KIF13A: variants seen among roughly 807,000 people sequenced by gnomAD.
The protein encoded by KIF13A is kinesin-like protein KIF13A.
Under a neutral mutation model 212.2 loss-of-function variants are expected in KIF13A, and 79 were observed. That is an observed-to-expected ratio of 0.37 (90% confidence interval 0.31 to 0.45). The LOEUF (loss-of-function observed/expected upper bound fraction) is 0.45, where lower values mean the gene tolerates loss of function less well. Among genes scored for constraint, KIF13A ranks in the 20% least tolerant of loss-of-function variants. KIF13A has a pLI of 1.00. For synonymous variants in KIF13A, 789 were observed against 808.6 expected (o/e 0.98, Z 0.41); for missense variants, 1,901 against 2,209.0 (o/e 0.86, Z 2.79).
intron 2 of KIF13A, among the ~76,000 whole-genome samples, chr6:17,907,225 T>C (rs1452828803): frequency 6.6e-6 from 1 of 152,206 alleles, no homozygotes; most frequent in Non-Finnish European, 1.5e-5. Context: ...GAACAAGGTA[T>C]ACAGATTGCA....
At chr6:17,810,791 G>A (rs1326611133) in intron 17 of KIF13A, among the ~76,000 whole-genome samples, 1 of 152,138 alleles carries the variant, frequency 6.6e-6, no homozygotes, top group African/African-American at 2.4e-5. Context: ...GTTCATAATA[G>A]GGTTTGTGCT....
chr6:17,766,219 G>GATTTATTTATTTATTTATTTATTT (rs57491415), intron 38 of KIF13A, among the ~76,000 whole-genome samples: 45 of 144,716 alleles, frequency 3.1e-4, no homozygotes, highest in Middle Eastern at 3.5e-3. Context: ...TTATTTTTAA[G>GATTTATTTATTTATTTATTTATTT]ATTTATTTAT....
At chr6:17,867,277 A>C (rs1769496383) in intron 4 of KIF13A, among the ~76,000 whole-genome samples, 2 of 152,206 alleles carry the variant, frequency 1.3e-5, no homozygotes, top group Non-Finnish European at 2.9e-5. Context: ...TGACAAATTG[A>C]GTATGAGTGA....
chr6:17,810,903 G>C (rs1763376530), intron 17 of KIF13A, among the ~76,000 whole-genome samples: 2 of 152,182 alleles, frequency 1.3e-5, no homozygotes, highest in Admixed American at 1.3e-4. Context: ...AGCTTCGCTT[G>C]CTGGCCCACT....
At position 17,850,377 on chromosome 6, in the gene KIF13A, G is replaced by A; in HGVS notation, c.663C>T (p.Ser221=). ...ATNMNEESSR[S]HAVFNIIITQ... The stretch of plus-strand genomic sequence containing the variant: ...TGATTATGATGTTGAACACAGCATG[G>A]GAGCGGCTGCTTTCTTCGTTCATGT... Residue 221 remains serine (S), a synonymous_variant, in exon 8 of 39, where the codon TCC becomes TCT. Transcript: ENST00000259711. The surrounding 1 kb of genome is among the most constrained non-coding windows in gnomAD (Gnocchi z 6.2). The A allele has an allele frequency of 6.2e-7, 1 of 1,613,882 alleles. No individual in the cohort carries two copies. Among genetic ancestry groups the A allele is most frequent in the Non-Finnish European group, 8.5e-7 (1 of 1,179,854 alleles).
chr6:17,830,449 G>A (rs1367811720), intron 13 of KIF13A, among the ~76,000 whole-genome samples: 1 of 144,312 alleles, frequency 6.9e-6, no homozygotes, highest in Non-Finnish European at 1.6e-5. Flanking sequence ...GTTCTTTGGA[G>A]TCCTTGATAC....
chr6:17,763,896 C>T lies in KIF13A; in HGVS notation c.*214G>A. ...ATCTGAACACTTCATTCAACACCAA[C>T]CCATGTGCCAGGTAAAAAAATCCAC... On this transcript the variant is annotated 3_prime_UTR_variant, in exon 39 of 39. Coordinates refer to ENST00000259711, the MANE Select transcript of KIF13A (RefSeq NM_022113.6). 7.1e-7 allele frequency: 1 copy of T among 1,414,182 alleles called. No individual in the cohort carries two copies. The highest frequency in any genetic ancestry group is 1.6e-5 in the South Asian group (1 of 64,342). 87.6% of individuals were successfully genotyped at this position (1,414,182 alleles called of 1,614,324 possible).
rs957690868 is a variant in KIF13A, at chr6:17,842,009, G to A, written c.831-4426C>T. On this transcript the variant is annotated intron_variant, in intron 9 of 38. Coordinates refer to ENST00000259711, the MANE Select transcript of KIF13A (RefSeq NM_022113.6). ...TGTGTATATACACATACGTGTGTGT[G>A]TGTGTGTGTGTGTGTGTGTGTGTGT... Among the ~76,000 whole-genome samples the A allele has an allele frequency of 2.3e-3, 342 of 148,328 alleles. 2 individuals are homozygous for A. The highest frequency in any genetic ancestry group is 6.3e-3 in the African/African-American group (251 of 39,942).
intron 16 of KIF13A, among the ~76,000 whole-genome samples, chr6:17,823,577 C>T (rs55779968): frequency 0.27 from 40,395 of 151,784 alleles, 5,507 homozygotes; most frequent in Admixed American, 0.35. Context: ...AAGTGATTCT[C>T]GTGCTCCGGC....
chr6:17,941,509 A>G (rs2150555416), intron 2 of KIF13A, among the ~76,000 whole-genome samples: 1 of 152,288 alleles, frequency 6.6e-6, no homozygotes, highest in African/African-American at 2.4e-5. Flanking sequence ...TGTCATTACA[A>G]TGGGACCTAA....
chr6:17,943,422 AT>A (rs1777117962), intron 2 of KIF13A, among the ~76,000 whole-genome samples: 1 of 91,466 alleles, frequency 1.1e-5, no homozygotes, highest in Non-Finnish European at 2.3e-5. Context: ...TTTTTTTTGT[AT>A]TTTTAGTAGA....
rs1378335510 is a variant in KIF13A, at chr6:17,897,388, A to C, written c.159+780T>G. ...TGGCCAGGGGCTGGTCAAATTTCTC[A>C]CTCCTTTTGGTGCTAAGTGTCCCTC... On this transcript the variant is annotated intron_variant, in intron 3 of 38. Coordinates refer to ENST00000259711, the MANE Select transcript of KIF13A (RefSeq NM_022113.6). This position sits in a 1 kb window ranked among gnomAD's most constrained non-coding sequence, Gnocchi z 4.8. Among the ~76,000 whole-genome samples the C allele has an allele frequency of 1.3e-5, 2 of 151,920 alleles. No homozygotes were observed. Among genetic ancestry groups the C allele is most frequent in the Non-Finnish European group, 2.9e-5 (2 of 67,962 alleles).
chr6:17,950,523 A>G, intron 2 of KIF13A: 1 of 985,360 alleles, frequency 1.0e-6, no homozygotes, highest in Non-Finnish European at 1.2e-6. Context: ...GAACATGTAC[A>G]CAAACACACA....
rs1759245805 is a variant in KIF13A, at chr6:17,768,796, T to C, written c.4581+2318A>G. 6.6e-6 allele frequency among the ~76,000 whole-genome samples: 1 copy of C among 152,222 alleles called. No individual in the cohort carries two copies. Among genetic ancestry groups the C allele is most frequent in the Non-Finnish European group, 1.5e-5 (1 of 68,042 alleles). On this transcript the variant is annotated intron_variant, in intron 38 of 38. Coordinates refer to ENST00000259711, the MANE Select transcript of KIF13A (RefSeq NM_022113.6). This position sits in a 1 kb window ranked among gnomAD's most constrained non-coding sequence, Gnocchi z 5.4. ...CCTAACGGAAAGGTCGTGTGGATAC[T>C]GGGAAAAATCACTGACTTTCTTTCT...
chr6:17,767,059 G>A lies in KIF13A; in HGVS notation c.4582-2113C>T, dbSNP rs114616635. ...CTGAAATTGGCAAAACAAAATTTTT[G>A]GCAACACTAATCTCTTCTCATCTTT... On this transcript the variant is annotated intron_variant, in intron 38 of 38. Transcript: ENST00000259711. 3.8e-3 allele frequency among the ~76,000 whole-genome samples: 578 copies of A among 152,160 alleles called. 2 individuals are homozygous for A. The highest frequency in any genetic ancestry group is 0.014 in the Middle Eastern group (4 of 292).
chr6:17,949,877 G>C (rs968911841), intron 2 of KIF13A, among the ~76,000 whole-genome samples: 27 of 151,962 alleles, frequency 1.8e-4, no homozygotes, highest in Non-Finnish European at 3.7e-4. Context: ...ATGCACTATT[G>C]GTGGTTTTAA....
intron 4 of KIF13A, among the ~76,000 whole-genome samples, chr6:17,861,508 T>C (rs1225640335): frequency 2.0e-5 from 3 of 152,222 alleles, no homozygotes; most frequent in Non-Finnish European, 2.9e-5. Flanking sequence ...AGTTTCCTAT[T>C]GACTTTACTA....
chr6:17,829,542 GA>G lies in KIF13A; in HGVS notation c.1402-1173del, dbSNP rs563860707. 1.5e-3 allele frequency among the ~76,000 whole-genome samples: 227 copies of G among 152,288 alleles called. 1 individual carries two copies. Among genetic ancestry groups the G allele is most frequent in the African/African-American group, 5.3e-3 (220 of 41,552 alleles). On this transcript the variant is annotated intron_variant, in intron 13 of 38. Transcript: ENST00000259711. This position sits in a 1 kb window ranked among gnomAD's most constrained non-coding sequence, Gnocchi z 5.4. ...AAACACACTGCACCTGGCCTCATGT[GA>G]TTTTAAGTACCTGAACCTCAGACAT... is the stretch of plus-strand genomic sequence containing the variant.
intron 2 of KIF13A, among the ~76,000 whole-genome samples, chr6:17,975,639 G>A (rs576610224): frequency 1.3e-5 from 2 of 152,272 alleles, no homozygotes; most frequent in Admixed American, 6.5e-5. Context: ...GGCCCCACCC[G>A]CATCCTGCTG....
Sources: gnomAD v4.1 joint callset for allele counts (sites outside exome capture counted in the v4.1 genomes callset) on GRCh38, gnomAD v4.1.1 for gene constraint, Gnocchi (gnomAD v3.1) non-coding constraint, MANE v1.5 for transcripts, NCBI Gene and HGNC (gene_info 2026-07-23, HGNC 2026-07-21) for gene names.